The following EYS variants were observed in gnomAD, a reference collection of about 807,000 sequenced individuals.
EYS encodes the protein EGF-like photoreceptor maintenance factor.
In EYS, 250 loss-of-function variants were observed where a neutral mutation model predicts 282.1. The ratio of observed to expected loss-of-function variants is 0.89; its 90% CI spans 0.80 to 0.98. EYS has a LOEUF of 0.98. Ranked by LOEUF, EYS falls within the 50% of genes least tolerant of loss-of-function variation. EYS has a pLI of 0.00. For missense variants in EYS, 4,016 were observed against 3,709.0 expected, an observed-to-expected ratio of 1.08 and a Z score of -2.15; for synonymous variants, 1,355 against 1,282.9, an observed-to-expected ratio of 1.06 and a Z score of -1.20.
intron 2 of EYS, among the ~76,000 whole-genome samples, chr6:65,538,252 G>T (rs1768032759): frequency 6.6e-6 from 1 of 152,034 alleles, no homozygotes; most frequent in South Asian, 2.1e-4. Flanking sequence ...CAAGAAGAGT[G>T]GCTGAAGGAA....
At position 64,234,466 on chromosome 6, in the gene EYS, A is replaced by G. The variant is rs560110223; in HGVS notation, c.6192-3642T>C. On this transcript the variant is annotated intron_variant, in intron 30 of 42. Transcript: ENST00000503581. ...GTTTGGATATATCATCATGGATTCT[A>G]TCAGTTTGTAACTGATATATTTAAG... is the stretch of plus-strand genomic sequence containing the variant. Among the ~76,000 whole-genome samples, 95 of 152,262 alleles carry G rather than the reference A, an allele frequency of 6.2e-4. No homozygotes were observed. The South Asian group carries it at 7.0e-3, about 11-fold the overall frequency.
At chr6:65,094,811 G>A (rs1412962348) in intron 12 of EYS, among the ~76,000 whole-genome samples, 1 of 151,028 alleles carries the variant, frequency 6.6e-6, no homozygotes, top group African/African-American at 2.4e-5. Context: ...ACCTCAAGAA[G>A]CTGGAAAAGG....
intron 35 of EYS, among the ~76,000 whole-genome samples, chr6:63,945,349 C>G (rs1393676858): frequency 1.3e-5 from 2 of 152,008 alleles, no homozygotes; most frequent in African/African-American, 4.8e-5. Context: ...GGAAACTGCC[C>G]CCATGATCCA....
chr6:65,346,527 T>C (rs1182200071), intron 9 of EYS, among the ~76,000 whole-genome samples: 1 of 150,664 alleles, frequency 6.6e-6, no homozygotes, highest in African/African-American at 2.4e-5. Context: ...AGATATTCAA[T>C]TGGAGGAATG....
At chr6:65,031,391 T>G (rs935189308) in intron 13 of EYS, among the ~76,000 whole-genome samples, 1 of 151,962 alleles carries the variant, frequency 6.6e-6, no homozygotes, top group Non-Finnish European at 1.5e-5. Context: ...CTAGCACACA[T>G]GTACAGAACA....
rs545018893 is a variant in EYS at position 64,677,275 on chromosome 6, G to T, written c.3444-51030C>A. On this transcript the variant is annotated intron_variant, in intron 22 of 42. Coordinates refer to ENST00000503581, the MANE Select transcript of EYS (RefSeq NM_001142800.2). The stretch of plus-strand genomic sequence containing the variant: ...ACCAGGATGCAATTAAGTTTCATAT[G>T]GTTGTTAGAAATGTTCTCTCTCTCT... 2.6e-5 allele frequency among the ~76,000 whole-genome samples: 4 copies of T among 152,000 alleles called. No individual in the cohort carries two copies. The East Asian group carries it at 7.8e-4, about 29-fold the overall frequency.
chr6:65,000,287 T>C (rs1231226811), intron 13 of EYS, among the ~76,000 whole-genome samples: 1 of 152,226 alleles, frequency 6.6e-6, no homozygotes, highest in Non-Finnish European at 1.5e-5. Flanking sequence ...GCATTGGTAT[T>C]AGTCTGTGTT....
chr6:65,440,971 A>AGT (rs1491419941), intron 5 of EYS, among the ~76,000 whole-genome samples: 1 of 145,406 alleles, frequency 6.9e-6, no homozygotes, highest in Admixed American at 7.2e-5. Flanking sequence ...ATATTTAAAC[A>AGT]GTGTATATAT....
At chr6:64,581,127 T>G (rs76376095) in intron 26 of EYS, among the ~76,000 whole-genome samples, 1 of 152,150 alleles carries the variant, frequency 6.6e-6, no homozygotes, top group Non-Finnish European at 1.5e-5. Context: ...AAAGACAAAT[T>G]GCGGAATAAA....
chr6:63,989,208 G>C (rs1265996029), intron 34 of EYS, among the ~76,000 whole-genome samples: 1 of 151,474 alleles, frequency 6.6e-6, no homozygotes, highest in African/African-American at 2.4e-5. Context: ...AAACAAACTG[G>C]CTTTTATTTA....
chr6:63,831,580 A>G (rs1039099090), intron 36 of EYS, among the ~76,000 whole-genome samples: 3 of 152,176 alleles, frequency 2.0e-5, no homozygotes, highest in African/African-American at 7.2e-5. Flanking sequence ...GTCCTTAGAG[A>G]CCTACAAAGA....
At chr6:65,582,483 G>A (rs1764907405) in intron 2 of EYS, among the ~76,000 whole-genome samples, 1 of 152,056 alleles carries the variant, frequency 6.6e-6, no homozygotes, top group South Asian at 2.1e-4. Flanking sequence ...AAAGAACAAA[G>A]GCTAGCTCTC....
rs572216769 is a variant in EYS, at chr6:65,057,737, A to G, written c.2024-10T>C. 1 of 1,456,060 alleles carries G rather than the reference A, an allele frequency of 6.9e-7. No homozygotes were observed. The highest frequency in any genetic ancestry group is 1.2e-5 in the South Asian group (1 of 81,378). The allele number at this position is 1,456,060 out of a possible 1,614,324, so 90.2% of individuals were successfully genotyped here. A position where few individuals can be genotyped will look rare whatever the true frequency, so the allele number is the denominator to read the frequency against. ...ATTTCACATTGCGTACCTTTGGAAA[A>G]TAGGAAAAAAAAATGTTAAGTGTTA... On this transcript the variant is annotated splice_polypyrimidine_tract_variant and intron_variant, in intron 12 of 42. Coordinates refer to ENST00000503581, the MANE Select transcript of EYS (RefSeq NM_001142800.2).
chr6:65,596,992 C>A (rs952554959), intron 2 of EYS, among the ~76,000 whole-genome samples: 1 of 151,860 alleles, frequency 6.6e-6, no homozygotes, highest in Non-Finnish European at 1.5e-5. Flanking sequence ...GCCAGAGAAC[C>A]GAAGTAACTC....
chr6:64,591,003 C>T lies in EYS; in HGVS notation c.4864G>A (p.Ala1622Thr), dbSNP rs533075374. Reference protein sequence around the residue: ...SSATEITPSVAFTEVPSLFPS... With the variant: ...SSATEITPSVTFTEVPSLFPS... ...AATAAAGATGGCACTTCTGTGAATG[C>T]CACTGATGGTGTTATTTCAGTAGCA... Residue 1622 changes from alanine to threonine, a missense_variant, in exon 26 of 43, where the codon GCA (alanine) becomes ACA (threonine). Ala to Thr is a moderately conservative substitution (Grantham distance 58). Coordinates refer to ENST00000503581, the MANE Select transcript of EYS (RefSeq NM_001142800.2). 50 of 1,551,298 alleles carry T rather than the reference C, an allele frequency of 3.2e-5. No homozygotes were observed. The highest frequency in any genetic ancestry group is 4.2e-5 in the Non-Finnish European group (48 of 1,146,780).
At chr6:64,861,724 T>C (rs1261880626) in intron 19 of EYS, among the ~76,000 whole-genome samples, 2 of 152,192 alleles carry the variant, frequency 1.3e-5, no homozygotes, top group African/African-American at 4.8e-5. Context: ...ACTTCCTCCC[T>C]CTCATCACTT....
intron 12 of EYS, among the ~76,000 whole-genome samples, chr6:65,088,742 G>A (rs1250288072): frequency 1.3e-5 from 2 of 152,150 alleles, no homozygotes; most frequent in Non-Finnish European, 2.9e-5. Context: ...AACGTCTCCA[G>A]GGTGTGTCAG....
intron 22 of EYS, among the ~76,000 whole-genome samples, chr6:64,721,746 A>C (rs1771589353): frequency 6.6e-6 from 1 of 152,102 alleles, no homozygotes; most frequent in South Asian, 2.1e-4. Flanking sequence ...AAGTACTAAG[A>C]ATCATTTTTA....
At chr6:64,736,847 C>T (rs935202926) in intron 22 of EYS, among the ~76,000 whole-genome samples, 1 of 151,976 alleles carries the variant, frequency 6.6e-6, no homozygotes, top group Non-Finnish European at 1.5e-5. Flanking sequence ...AAGGTAATCA[C>T]ACAAAGAAAC....
Sources: allele counts gnomAD v4.1 joint callset (sites outside exome capture counted in the v4.1 genomes callset), GRCh38; gene constraint gnomAD v4.1.1; transcripts MANE v1.5; gene names NCBI Gene and HGNC (gene_info 2026-07-23, HGNC 2026-07-21).